The following FSTL5 variants were observed in gnomAD, a reference collection of about 807,000 sequenced individuals.
FSTL5 encodes the protein follistatin-related protein 5.
Under a neutral mutation model 89.1 loss-of-function variants are expected in FSTL5, and 62 were observed. The ratio of observed to expected loss-of-function variants is 0.70; its 90% CI spans 0.57 to 0.86. The LOEUF (loss-of-function observed/expected upper bound fraction) is 0.86, where lower values mean the gene tolerates loss of function less well. Ranked by LOEUF, FSTL5 falls within the 40% of genes least tolerant of loss-of-function variation. The pLI is 0.00. For synonymous variants in FSTL5, 383 were observed against 346.2 expected (o/e 1.11, Z -1.18); for missense variants, 1,057 against 1,001.6 (o/e 1.06, Z -0.75).
At chr4:162,057,987 C>A (rs996296928) in intron 2 of FSTL5, among the ~76,000 whole-genome samples, 1 of 151,948 alleles carries the variant, frequency 6.6e-6, no homozygotes, top group African/African-American at 2.4e-5. Context: ...GGGTACTGGA[C>A]AACGGCAAGA....
chr4:161,430,506 C>T (rs1418801789), intron 15 of FSTL5, among the ~76,000 whole-genome samples: 7 of 152,080 alleles, frequency 4.6e-5, no homozygotes, highest in African/African-American at 9.7e-5. Context: ...TTTGGGAGGC[C>T]GAAGCAGGTG....
intron 4 of FSTL5, among the ~76,000 whole-genome samples, chr4:161,789,287 T>G (rs1037128228): frequency 6.6e-6 from 1 of 152,102 alleles, no homozygotes; most frequent in African/African-American, 2.4e-5. Context: ...ATTTGGTAAG[T>G]AAGTTTGGAG....
intron 4 of FSTL5, among the ~76,000 whole-genome samples, chr4:161,875,654 G>A (rs1027400126): frequency 6.6e-6 from 1 of 152,122 alleles, no homozygotes; most frequent in African/African-American, 2.4e-5. Context: ...TCGTTCCTCT[G>A]TTGCTTCATT....
chr4:161,939,411 A>G (rs11723324), intron 3 of FSTL5, among the ~76,000 whole-genome samples: 48,753 of 151,826 alleles, frequency 0.32, 9,601 homozygotes, highest in Non-Finnish European at 0.43. Context: ...TGTATATTAC[A>G]TTCTTTAGAA....
At chr4:162,105,763 G>C (rs192211414) in intron 2 of FSTL5, among the ~76,000 whole-genome samples, 5 of 151,890 alleles carry the variant, frequency 3.3e-5, no homozygotes, top group African/African-American at 1.2e-4. Context: ...TAACTCCTCT[G>C]ACCGAGGACA....
At chr4:161,833,187 G>A (rs1272225004) in intron 4 of FSTL5, among the ~76,000 whole-genome samples, 6 of 151,676 alleles carry the variant, frequency 4.0e-5, no homozygotes, top group South Asian at 2.1e-4. Flanking sequence ...GTAGTTGAGC[G>A]GTTTTGAGTG....
intron 2 of FSTL5, among the ~76,000 whole-genome samples, chr4:162,085,023 C>G (rs141778928): frequency 2.1e-3 from 325 of 151,932 alleles, no homozygotes; most frequent in Non-Finnish European, 3.8e-3. Context: ...AGCACATTGC[C>G]AGTATAGGGA....
At chr4:161,613,749 C>T (rs1044331752) in intron 7 of FSTL5, among the ~76,000 whole-genome samples, 1 of 152,132 alleles carries the variant, frequency 6.6e-6, no homozygotes, top group South Asian at 2.1e-4. Flanking sequence ...ATGAATTACA[C>T]ATTGTGTAAA....
chr4:161,572,083 G>T (rs1733035150), intron 8 of FSTL5, among the ~76,000 whole-genome samples: 1 of 152,042 alleles, frequency 6.6e-6, no homozygotes, highest in South Asian at 2.1e-4. Context: ...GCCGAGGCGG[G>T]TGGATCACCT....
intron 7 of FSTL5, among the ~76,000 whole-genome samples, chr4:161,645,565 T>C (rs1736124769): frequency 6.6e-6 from 1 of 152,192 alleles, no homozygotes; most frequent in African/African-American, 2.4e-5. Flanking sequence ...TTAGAAAGAA[T>C]ATTCATTTTA....
At chr4:161,781,357 T>C (rs1047341676) in intron 4 of FSTL5, among the ~76,000 whole-genome samples, 1 of 152,062 alleles carries the variant, frequency 6.6e-6, no homozygotes, top group Admixed American at 6.6e-5. Context: ...ATCTAAACTG[T>C]AATGTCTACC....
At chr4:162,032,178 T>G (rs1737555363) in intron 3 of FSTL5, among the ~76,000 whole-genome samples, 1 of 152,166 alleles carries the variant, frequency 6.6e-6, no homozygotes, top group Non-Finnish European at 1.5e-5. Flanking sequence ...ACACTTATTT[T>G]TACTATAAGT....
At chr4:161,938,009 C>T (rs1337966527) in intron 3 of FSTL5, among the ~76,000 whole-genome samples, 2 of 152,082 alleles carry the variant, frequency 1.3e-5, no homozygotes, top group African/African-American at 2.4e-5. Flanking sequence ...TCTTACATGA[C>T]TTCTCTTTTA....
chr4:161,907,386 G>A (rs1733568089), intron 4 of FSTL5, among the ~76,000 whole-genome samples: 1 of 152,054 alleles, frequency 6.6e-6, no homozygotes, highest in South Asian at 2.1e-4. Context: ...ATGTAAATGT[G>A]AAGATATGCA....
intron 5 of FSTL5, among the ~76,000 whole-genome samples, chr4:161,770,294 A>G (rs1459421794): frequency 1.3e-5 from 2 of 152,030 alleles, no homozygotes; most frequent in East Asian, 3.8e-4. Flanking sequence ...TTATAGCACA[A>G]CAGAGTGACT....
intron 4 of FSTL5, among the ~76,000 whole-genome samples, chr4:161,911,337 C>A (rs1231735960): frequency 6.6e-6 from 1 of 151,686 alleles, no homozygotes; most frequent in Non-Finnish European, 1.5e-5. Context: ...CAAATTATAA[C>A]CTGATTATGG....
At chr4:161,961,654 C>G (rs1024689732) in intron 3 of FSTL5, among the ~76,000 whole-genome samples, 4 of 151,524 alleles carry the variant, frequency 2.6e-5, no homozygotes, top group Non-Finnish European at 5.9e-5. Flanking sequence ...TAGACATTCT[C>G]CATTTAATCC....
intron 4 of FSTL5, among the ~76,000 whole-genome samples, chr4:161,876,224 G>A (rs1732436659): frequency 6.6e-6 from 1 of 152,122 alleles, no homozygotes; most frequent in South Asian, 2.1e-4. Flanking sequence ...ATGCCCCAAT[G>A]ACATTTTTTA....
chr4:161,656,602 G>GA (rs1409196778), intron 6 of FSTL5, 108 bp from the exon 7 acceptor site: 3 of 578,844 alleles, frequency 5.2e-6, no homozygotes, highest in East Asian at 3.4e-5. Context: ...GAATAAAAGG[G>GA]AAAAAAGCTT....
Sources: allele counts gnomAD v4.1 joint callset (sites outside exome capture counted in the v4.1 genomes callset), GRCh38; gene constraint gnomAD v4.1.1; transcripts MANE v1.5; gene names NCBI Gene and HGNC (gene_info 2026-07-23, HGNC 2026-07-21).